Variants in CENPP observed in about 807,000 individuals in gnomAD.
CENPP encodes centromere protein P.
In CENPP, 24 loss-of-function variants were observed where a neutral mutation model predicts 35.6. That is an observed-to-expected ratio of 0.67 (90% CI 0.49 to 0.95). The LOEUF (loss-of-function observed/expected upper bound fraction) is 0.95. Ranked by LOEUF, CENPP falls within the 40% of genes least tolerant of loss-of-function variation. The pLI, the probability that CENPP is intolerant of heterozygous loss-of-function variation, is 0.00. For missense variants in CENPP, 332 were observed against 345.3 expected (o/e 0.96, Z 0.31); for synonymous variants, 120 against 125.5 (o/e 0.96, Z 0.29).
chr9:92,569,438 A>T (rs1213444179), intron 5 of CENPP, among the ~76,000 whole-genome samples: 5 of 152,104 alleles, frequency 3.3e-5, no homozygotes, highest in African/African-American at 1.2e-4. Context: ...CCATTGGTCT[A>T]TATCTCTGTT....
At chr9:92,491,597 G>A (rs1846173489) in intron 5 of CENPP, among the ~76,000 whole-genome samples, 2 of 152,040 alleles carry the variant, frequency 1.3e-5, no homozygotes, top group African/African-American at 4.8e-5. Flanking sequence ...CCCCCATGGT[G>A]ACACCCCAAG....
chr9:92,347,916 A>G (rs929097476), intron 4 of CENPP, among the ~76,000 whole-genome samples: 6 of 152,046 alleles, frequency 3.9e-5, no homozygotes, highest in Non-Finnish European at 8.8e-5. Flanking sequence ...AAATAAGACA[A>G]AACTTGTTTT....
chr9:92,392,599 A>G lies in CENPP; in HGVS notation c.564+12740A>G, dbSNP rs572795476. On this transcript the variant is annotated intron_variant, in intron 5 of 7. Coordinates refer to ENST00000375587, the MANE Select transcript of CENPP (RefSeq NM_001012267.3). ...CACTCTACTCCAGCCTGGGCAACAG[A>G]GCAAGACTCCATGTCGGGTTGGGGG... Among the ~76,000 whole-genome samples, 3 of 151,806 alleles carry G rather than the reference A, an allele frequency of 2.0e-5. No individual in the cohort carries two copies. The South Asian group carries it at 6.3e-4, about 32-fold the overall frequency.
In CENPP at chr9:92,614,962, A is replaced by G. The variant is rs1358737493; in HGVS notation, c.*1813A>G. The G allele has an allele frequency of 6.6e-6, 1 of 152,284 alleles. No individual in the cohort carries two copies. Among genetic ancestry groups the G allele is most frequent in the African/African-American group, 2.4e-5 (1 of 41,430 alleles). 9.4% of individuals were successfully genotyped at this position (152,284 alleles called of 1,614,324 possible). A position where few individuals can be genotyped will look rare whatever the true frequency, so the allele number is the denominator to read the frequency against. On this transcript the variant is annotated 3_prime_UTR_variant, in exon 8 of 8. Coordinates refer to ENST00000375587, the MANE Select transcript of CENPP (RefSeq NM_001012267.3). The stretch of plus-strand genomic sequence containing the variant: ...CGAGGGAGGAACTTGGTCTGGGAGG[A>G]AGAGAGAACTCGCTCCTCAACCACC...
At chr9:92,345,914 G>C (rs1841281895) in intron 4 of CENPP, 127 bp downstream of exon 4, 1 of 591,526 alleles carries the variant, frequency 1.7e-6, no homozygotes, top group Non-Finnish European at 3.0e-6. Flanking sequence ...CACCACTGTT[G>C]TGCTTATATT....
chr9:92,583,435 T>C (rs541398693), intron 5 of CENPP, among the ~76,000 whole-genome samples: 15 of 152,346 alleles, frequency 9.8e-5, no homozygotes, highest in African/African-American at 3.6e-4. Context: ...TCTGTCGGTA[T>C]GTATTGGTTT....
intron 5 of CENPP, chr9:92,514,749 G>A (rs777841346): frequency 1.2e-6 from 2 of 1,614,164 alleles, no homozygotes; most frequent in Non-Finnish European, 1.7e-6. Context: ...GGCGCAGTGT[G>A]CCTCTGGGAG....
intron 5 of CENPP, among the ~76,000 whole-genome samples, chr9:92,394,643 C>T (rs899195312): frequency 2.6e-5 from 4 of 151,548 alleles, no homozygotes; most frequent in African/African-American, 4.9e-5. Context: ...CTCGCTTCGT[C>T]ACCCAGGTTG....
Position 92,619,396 on chromosome 9 carries a change from TG to T in CENPP, c.*6251del. Reference sequence around the variant, plus strand: ...CACTCCGCCATGGAGTCTCTAAATATGGGGAAACCAACTATCCTATTAACAA... The same window carrying T: ...CACTCCGCCATGGAGTCTCTAAATATGGGAAACCAACTATCCTATTAACAA... On this transcript the variant is annotated 3_prime_UTR_variant, in exon 8 of 8. Coordinates refer to ENST00000375587, the MANE Select transcript of CENPP (RefSeq NM_001012267.3). 1 of 1,054,276 alleles carries T rather than the reference TG, an allele frequency of 9.5e-7. No individual in the cohort carries two copies. The allele number at this position is 1,054,276 out of a possible 1,614,324, so 65.3% of individuals were successfully genotyped here.
At chr9:92,500,773 C>G (rs2131151305) in intron 5 of CENPP, 1 of 1,614,068 alleles carries the variant, frequency 6.2e-7, no homozygotes, top group South Asian at 1.1e-5. Context: ...GCTTTCATTT[C>G]TTGTATCCCA....
Position 92,611,340 on chromosome 9 carries a change from C to A in CENPP, c.591C>A (p.Leu197=), listed in dbSNP as rs773476996. 16 of 1,613,688 alleles carry A rather than the reference C, an allele frequency of 9.9e-6. No homozygotes were observed. The highest frequency in any genetic ancestry group is 1.3e-5 in the Non-Finnish European group (15 of 1,180,012). Residue 197 remains leucine, a synonymous_variant, in exon 6 of 8, where the codon CTC becomes CTA. Transcript: ENST00000375587. ...LKEKYPDAVY[L]SEGPSSCSMG... ...AAAAGTACCCAGATGCCGTGTACCTCTCGGAGGGGCCCTCCTCCTGCTCCA... is the reference window on the plus strand; with the variant it reads ...AAAAGTACCCAGATGCCGTGTACCTATCGGAGGGGCCCTCCTCCTGCTCCA...
chr9:92,550,512 T>A (rs1275261395), intron 5 of CENPP, among the ~76,000 whole-genome samples: 5 of 152,136 alleles, frequency 3.3e-5, no homozygotes, highest in African/African-American at 1.2e-4. Context: ...AACTGTAAGA[T>A]ATGACAATTG....
At chr9:92,499,050 T>G (rs1846521968) in intron 5 of CENPP, among the ~76,000 whole-genome samples, 1 of 152,154 alleles carries the variant, frequency 6.6e-6, no homozygotes, top group Non-Finnish European at 1.5e-5. Context: ...GGCCAAGCTC[T>G]TTGGAGGAAG....
Position 92,595,901 on chromosome 9 carries a change from T to C in CENPP, c.565-15413T>C, listed in dbSNP as rs529420155. ...TTTAAAAAACTGAAAGCATTTAACG[T>C]AAGACTGTGAAGTACAAGTTTGAAC... On this transcript the variant is annotated intron_variant, in intron 5 of 7. Transcript: ENST00000375587. Among the ~76,000 whole-genome samples the C allele has an allele frequency of 7.9e-5, 12 of 152,300 alleles. No individual in the cohort carries two copies. The South Asian group carries it at 1.4e-3, about 18-fold the overall frequency.
intron 5 of CENPP, among the ~76,000 whole-genome samples, chr9:92,583,581 T>C (rs1326305451): frequency 2.0e-5 from 3 of 152,202 alleles, no homozygotes; most frequent in Non-Finnish European, 2.9e-5. Context: ...TTTATTTCAT[T>C]CTTAGCATTT....
chr9:92,483,755 T>C (rs530025596), intron 5 of CENPP, among the ~76,000 whole-genome samples: 219 of 152,340 alleles, frequency 1.4e-3, no homozygotes, highest in African/African-American at 4.8e-3. Flanking sequence ...AAAGAATACA[T>C]GTGCCTCAGA....
At chr9:92,571,175 G>T (rs1343156761) in intron 5 of CENPP, among the ~76,000 whole-genome samples, 2 of 152,126 alleles carry the variant, frequency 1.3e-5, no homozygotes, top group African/African-American at 2.4e-5. Context: ...TGATGTTAGG[G>T]TGTCGATTTT....
chr9:92,506,099 G>T (rs966153456), intron 5 of CENPP, among the ~76,000 whole-genome samples: 1 of 152,224 alleles, frequency 6.6e-6, no homozygotes, highest in Non-Finnish European at 1.5e-5. Context: ...TGGAAACATT[G>T]CAAAGACATA....
chr9:92,417,537 A>T (rs1232203986), intron 5 of CENPP: 2 of 1,576,422 alleles, frequency 1.3e-6, no homozygotes, highest in African/African-American at 2.8e-5. Flanking sequence ...AAAATAACAT[A>T]TATTGGACTT....
Sources: gnomAD v4.1 joint callset for allele counts (sites outside exome capture counted in the v4.1 genomes callset) on GRCh38, gnomAD v4.1.1 for gene constraint, MANE v1.5 for transcripts, NCBI Gene and HGNC (gene_info 2026-07-23, HGNC 2026-07-21) for gene names.